GORAB: variants seen among roughly 807,000 people sequenced by gnomAD.
GORAB encodes RAB6-interacting golgin.
In GORAB, 17 loss-of-function variants were observed where a neutral mutation model predicts 29.9. The observed-to-expected ratio is 0.57, with a 90% confidence interval of 0.39 to 0.85. The LOEUF (loss-of-function observed/expected upper bound fraction) is 0.85, where lower values mean the gene tolerates loss of function less well. Among genes scored for constraint, GORAB ranks in the 40% least tolerant of loss-of-function variants. The probability of loss-of-function intolerance (pLI) is 0.00; values close to 1 mark genes in which losing one functional copy is unlikely to be tolerated. For missense variants in GORAB, 442 were observed against 437.8 expected, an observed-to-expected ratio of 1.01 and a Z score of -0.09; for synonymous variants, 183 against 157.2, an observed-to-expected ratio of 1.16 and a Z score of -1.23.
intron 1 of GORAB, among the ~76,000 whole-genome samples, chr1:170,534,519 T>C (rs1362490728): frequency 6.6e-6 from 1 of 152,136 alleles, no homozygotes; most frequent in East Asian, 1.9e-4. Context: ...ATATATAATA[T>C]ATACAGTCAC....
At chr1:170,548,882 T>G (rs1649919401) in intron 4 of GORAB, among the ~76,000 whole-genome samples, 1 of 152,196 alleles carries the variant, frequency 6.6e-6, no homozygotes, top group South Asian at 2.1e-4. Context: ...CTCTGGTAAT[T>G]GCAAAATATA....
rs773952908 is a variant in GORAB, at chr1:170,552,134, T to A, written c.782T>A (p.Leu261His). ...TGTACGATCATACAGCAAAATGAGCTCCGAAAGGCCAAGAAGTTGGAGGAG... is the reference window on the plus strand; with the variant it reads ...TGTACGATCATACAGCAAAATGAGCACCGAAAGGCCAAGAAGTTGGAGGAG... ...HLCTIIQQNELRKAKKLEELM... is the reference protein window; with the variant it reads ...HLCTIIQQNEHRKAKKLEELM... Residue 261 changes from leucine to histidine, a missense_variant, in exon 5 of 5, where the codon CTC (leucine) becomes CAC (histidine). Physicochemically the swap from Leu to His is moderately conservative, Grantham distance 99. Transcript: ENST00000367763. 5.0e-5 allele frequency: 80 copies of A among 1,613,884 alleles called. No individual in the cohort carries two copies. Among genetic ancestry groups the A allele is most frequent in the Middle Eastern group, 3.3e-4 (2 of 6,084 alleles).
intron 3 of GORAB, among the ~76,000 whole-genome samples, chr1:170,543,054 C>T (rs574557223): frequency 7.9e-5 from 12 of 152,190 alleles, no homozygotes; most frequent in East Asian, 7.7e-4. Flanking sequence ...TAATTTGCCC[C>T]GCCTCCACAA....
Position 170,541,203 on chromosome 1 carries a change from C to CAAAA in GORAB, c.420-1268_420-1265dup, listed in dbSNP as rs67384213. On this transcript the variant is annotated intron_variant, in intron 2 of 4. Coordinates refer to ENST00000367763, the MANE Select transcript of GORAB (RefSeq NM_152281.3). ...TGGGCAACAGAGCAAGATTCTGTCC[C>CAAAA]AAAAAAAAAAAAAAAAAAAAAAAGC... Among the ~76,000 whole-genome samples, 107 of 46,224 alleles carry CAAAA rather than the reference C, an allele frequency of 2.3e-3. 2 individuals carry two copies. The highest frequency in any genetic ancestry group is 8.5e-3 in the African/African-American group (94 of 11,026). The allele number at this position is 46,224 out of a possible 152,430, so 30.3% of individuals were successfully genotyped here.
intron 1 of GORAB, chr1:170,538,927 A>G (rs962859991): frequency 5.0e-6 from 2 of 397,510 alleles, no homozygotes; most frequent in African/African-American, 4.1e-5. Context: ...AAGTTGAAAA[A>G]GAAACTTCAC....
At position 170,552,783 on chromosome 1, in the gene GORAB, TA is replaced by T. The variant is rs1230261598; in HGVS notation, c.*325del. ...TTTAGATCAGATAAATATAGAAAAG[TA>T]AAATGGAAAATGATACTCAATACCT... is the stretch of plus-strand genomic sequence containing the variant. On this transcript the variant is annotated 3_prime_UTR_variant, in exon 5 of 5. Transcript: ENST00000367763. The T allele has an allele frequency of 6.5e-6, 3 of 464,764 alleles. No individual in the cohort carries two copies. The East Asian group carries it at 2.0e-4, about 31-fold the overall frequency. The allele number at this position is 464,764 out of a possible 1,614,324, so 28.8% of individuals were successfully genotyped here. A position where few individuals can be genotyped will look rare whatever the true frequency, so the allele number is the denominator to read the frequency against.
intron 2 of GORAB, among the ~76,000 whole-genome samples, chr1:170,542,263 G>A (rs553094084): frequency 6.6e-6 from 1 of 152,260 alleles, no homozygotes; most frequent in East Asian, 1.9e-4. Context: ...GATTTCAGAG[G>A]TCCAATTTAT....
rs1326658308 is a variant in GORAB, at chr1:170,545,755, T to C, written c.662+910T>C. On this transcript the variant is annotated intron_variant, in intron 4 of 4. Coordinates refer to ENST00000367763, the MANE Select transcript of GORAB (RefSeq NM_152281.3). ...ATTTATTAAAGCGGAAATGCTTGATTGTGGTTTTTAATAAACTGTTGAGTG... is the reference window on the plus strand; with the variant it reads ...ATTTATTAAAGCGGAAATGCTTGATCGTGGTTTTTAATAAACTGTTGAGTG... 6 of 984,774 alleles carry C rather than the reference T, an allele frequency of 6.1e-6. No homozygotes were observed. The African/African-American group carries it at 1.0e-4, about 17-fold the overall frequency. 61.0% of individuals were successfully genotyped at this position (984,774 alleles called of 1,614,324 possible). A position where few individuals can be genotyped will look rare whatever the true frequency, so the allele number is the denominator to read the frequency against.
rs566407962 is a variant in GORAB at position 170,541,126 on chromosome 1, C to G, written c.420-1365C>G. On this transcript the variant is annotated intron_variant, in intron 2 of 4. Coordinates refer to ENST00000367763, the MANE Select transcript of GORAB (RefSeq NM_152281.3). Reference sequence around the variant, plus strand: ...GACTGAGGCACAAGAATTGCTTGAACCTGGGAGGTGGACGTTGCAGTGAGC... The same window carrying G: ...GACTGAGGCACAAGAATTGCTTGAAGCTGGGAGGTGGACGTTGCAGTGAGC... Among the ~76,000 whole-genome samples, 5 of 148,514 alleles carry G rather than the reference C, an allele frequency of 3.4e-5. No individual in the cohort carries two copies. The South Asian group carries it at 1.1e-3, about 32-fold the overall frequency.
rs1357634150 is a variant in GORAB at position 170,553,695 on chromosome 1, A to G, written c.*1233A>G. On this transcript the variant is annotated 3_prime_UTR_variant, in exon 5 of 5. Transcript: ENST00000367763. ...TTTATATTATGTAATTTGAGTTGAA[A>G]GTATAACATTTTACTACTGACTTCT... is the stretch of plus-strand genomic sequence containing the variant. 2.2e-6 allele frequency: 1 copy of G among 449,818 alleles called. No homozygotes were observed. Among genetic ancestry groups the G allele is most frequent in the East Asian group, 7.0e-5 (1 of 14,382 alleles). 27.9% of individuals were successfully genotyped at this position (449,818 alleles called of 1,614,324 possible).
Position 170,552,581 on chromosome 1 carries a change from T to G in GORAB, c.*119T>G, listed in dbSNP as rs1236234426. On this transcript the variant is annotated 3_prime_UTR_variant, in exon 5 of 5. Transcript: ENST00000367763. ...ACAATGCTGATTTTTGAATTCATGA[T>G]TAGTTTTAGTAAATTAATAGGTTTG... 1.1e-6 allele frequency: 1 copy of G among 879,150 alleles called. No homozygotes were observed. The highest frequency in any genetic ancestry group is 1.8e-5 in the Admixed American group (1 of 54,998). The allele number at this position is 879,150 out of a possible 1,614,324, so 54.5% of individuals were successfully genotyped here. A position where few individuals can be genotyped will look rare whatever the true frequency, so the allele number is the denominator to read the frequency against.
In GORAB at chr1:170,533,946, C is replaced by T. The variant is rs140443400; in HGVS notation, c.61+1662C>T. ...TATTTGTAAAATTAGAGGATTTGGC[C>T]CTTTAATTTTAAAGCCATTTCTAGC... is the stretch of plus-strand genomic sequence containing the variant. On this transcript the variant is annotated intron_variant, in intron 1 of 4. Transcript: ENST00000367763. Among the ~76,000 whole-genome samples the T allele has an allele frequency of 1.5e-4, 23 of 152,106 alleles. No homozygotes were observed. In the South Asian group the frequency reaches 3.7e-3, roughly 25 times the overall value.
At chr1:170,534,711 A>G (rs1213926405) in intron 1 of GORAB, among the ~76,000 whole-genome samples, 2 of 152,188 alleles carry the variant, frequency 1.3e-5, no homozygotes, top group Admixed American at 1.3e-4. Flanking sequence ...TAGGAGCAAA[A>G]GGCTGTACCA....
rs763055259 is a variant in GORAB at position 170,552,249 on chromosome 1, A to C, written c.897A>C (p.Glu299Asp). Residue 299 changes from glutamate (E) to aspartate (D), a missense_variant, in exon 5 of 5, where the codon GAA becomes GAC. Coordinates refer to ENST00000367763, the MANE Select transcript of GORAB (RefSeq NM_152281.3). ...GATTGCTACACGAACAAGAAGTAGA[A>C]TCAAGGAGACCAGTGGTTCGTTTAG... ...VERLLHEQEV[E>D]SRRPVVRLER... 6.2e-7 allele frequency: 1 copy of C among 1,614,148 alleles called. No individual in the cohort carries two copies. The highest frequency in any genetic ancestry group is 8.5e-7 in the Non-Finnish European group (1 of 1,179,982).
At position 170,552,434 on chromosome 1, in the gene GORAB, ATG is replaced by A; in HGVS notation, c.1083_1084del (p.Asn361LysfsTer21). 1 of 1,613,938 alleles carries A rather than the reference ATG, an allele frequency of 6.2e-7. No homozygotes were observed. Among genetic ancestry groups the A allele is most frequent in the Non-Finnish European group, 8.5e-7 (1 of 1,179,912 alleles). On this transcript the variant is annotated frameshift_variant, in exon 5 of 5. Transcript: ENST00000367763. LOFTEE classifies it high-confidence loss of function. Reference sequence around the variant, plus strand: ...CCAAACTGCCCAAATCAAGAAGGTAATGACATTTCAGCTGCTTTGGCCACATG... The same window carrying A: ...CCAAACTGCCCAAATCAAGAAGGTAAACATTTCAGCTGCTTTGGCCACATG...
chr1:170,548,553 T>A (rs752023442), intron 4 of GORAB, among the ~76,000 whole-genome samples: 9 of 152,198 alleles, frequency 5.9e-5, no homozygotes, highest in Non-Finnish European at 1.3e-4. Context: ...ACTTTGCAAA[T>A]ACTGGATAGG....
intron 1 of GORAB, among the ~76,000 whole-genome samples, chr1:170,538,141 AT>A (rs1649171058): frequency 6.6e-6 from 1 of 152,228 alleles, no homozygotes; most frequent in Admixed American, 6.5e-5. Context: ...GAGCAGGTTA[AT>A]TTTCAACCAG....
chr1:170,548,162 A>G (rs1649876220), intron 4 of GORAB, among the ~76,000 whole-genome samples: 1 of 152,258 alleles, frequency 6.6e-6, no homozygotes, highest in Non-Finnish European at 1.5e-5. Context: ...GACTCTAGGT[A>G]TCCATTTCTT....
chr1:170,533,055 T>G (rs991486345), intron 1 of GORAB, among the ~76,000 whole-genome samples: 3 of 152,236 alleles, frequency 2.0e-5, no homozygotes, highest in Non-Finnish European at 4.4e-5. Context: ...TGCTTGTGGT[T>G]GAAATTTCGC....
Sources: allele counts gnomAD v4.1 joint callset (sites outside exome capture counted in the v4.1 genomes callset), GRCh38; gene constraint gnomAD v4.1.1; transcripts MANE v1.5; gene names NCBI Gene and HGNC (gene_info 2026-07-23, HGNC 2026-07-21).